Variants in CAMKMT observed in about 807,000 individuals in gnomAD.
CAMKMT encodes calmodulin-lysine N-methyltransferase.
CAMKMT carries 53 observed loss-of-function variants against 48.0 expected under a neutral mutation model. The ratio of observed to expected loss-of-function variants is 1.10; its 90% CI spans 0.89 to 1.39. The LOEUF (loss-of-function observed/expected upper bound fraction) is 1.39, where lower values mean the gene tolerates loss of function less well. Among genes scored for constraint, CAMKMT ranks in the 40% most tolerant of loss-of-function variants. The pLI, the probability that CAMKMT is intolerant of heterozygous loss-of-function variation, is 0.00. For missense variants in CAMKMT, 428 were observed against 402.7 expected, an observed-to-expected ratio of 1.06 and a Z score of -0.54; for synonymous variants, 165 against 152.3, an observed-to-expected ratio of 1.08 and a Z score of -0.61.
At chr2:44,595,664 A>G (rs996256732) in intron 3 of CAMKMT, among the ~76,000 whole-genome samples, 1 of 152,228 alleles carries the variant, frequency 6.6e-6, no homozygotes, top group Non-Finnish European at 1.5e-5. Context: ...TTAAAAAACT[A>G]CTATAAAGAC....
At chr2:44,459,450 G>T (rs557887240) in intron 3 of CAMKMT, among the ~76,000 whole-genome samples, 1 of 152,212 alleles carries the variant, frequency 6.6e-6, no homozygotes, top group East Asian at 1.9e-4. Context: ...CCTAGGTGAT[G>T]AAATGTATTA....
intron 1 of CAMKMT, among the ~76,000 whole-genome samples, chr2:44,363,688 CTTTT>C (rs577698393): frequency 1.6e-5 from 2 of 127,796 alleles, no homozygotes; most frequent in African/African-American, 2.9e-5. Flanking sequence ...CAACCCCCTT[CTTTT>C]TTTTTTTTTT....
intron 3 of CAMKMT, among the ~76,000 whole-genome samples, chr2:44,542,535 ACACT>A (rs1481432209): frequency 3.4e-3 from 200 of 59,372 alleles, no homozygotes; most frequent in Middle Eastern, 0.011. Context: ...ACACACACAC[ACACT>A]CTCTCTCTCT....
chr2:44,642,208 G>C (rs1673487013), intron 3 of CAMKMT, among the ~76,000 whole-genome samples: 1 of 152,202 alleles, frequency 6.6e-6, no homozygotes, highest in Non-Finnish European at 1.5e-5. Flanking sequence ...AAGTTATCTT[G>C]ATTGCCAGTC....
intron 3 of CAMKMT, among the ~76,000 whole-genome samples, chr2:44,673,981 G>A (rs918761849): frequency 1.3e-5 from 2 of 152,154 alleles, no homozygotes; most frequent in Non-Finnish European, 2.9e-5. Flanking sequence ...CCTTCTTGCT[G>A]AAGAAAAGTT....
intron 2 of CAMKMT, among the ~76,000 whole-genome samples, chr2:44,386,410 T>C (rs1680782887): frequency 6.6e-6 from 1 of 152,172 alleles, no homozygotes; most frequent in African/African-American, 2.4e-5. Context: ...CTTCTTTTCT[T>C]GGTTAATCTT....
At chr2:44,609,521 A>G (rs75241082) in intron 3 of CAMKMT, among the ~76,000 whole-genome samples, 6,241 of 152,278 alleles carry the variant, frequency 0.041, 435 homozygotes, top group African/African-American at 0.14. Flanking sequence ...GTTATGCCAC[A>G]TGTGAGTGGC....
In CAMKMT at chr2:44,704,317, C is replaced by T. The variant is rs1297205754; in HGVS notation, c.411C>T (p.Tyr137=). ...CATCTGAAGAGGTTTTGGCTTACTA[C>T]TGCCTCAAGCACAATAATATATTCA... ...IWPSEEVLAY[Y]CLKHNNIFRA... The change falls in exon 4 of 11, where the codon TAC becomes TAT. Residue 137 remains tyrosine (Y), a synonymous_variant. Transcript: ENST00000378494. 6.2e-7 allele frequency: 1 copy of T among 1,610,370 alleles called. No individual in the cohort carries two copies.
chr2:44,746,218 G>A lies in CAMKMT; in HGVS notation c.698+2522G>A, dbSNP rs573465514. On this transcript the variant is annotated intron_variant, in intron 8 of 10. Coordinates refer to ENST00000378494, the MANE Select transcript of CAMKMT (RefSeq NM_024766.5). ...ACATGGATTAAAATCTTATTGAAGC[G>A]TTTCCAGCAAGGGTGGCATTGTCTG... Among the ~76,000 whole-genome samples, 12 of 152,326 alleles carry A rather than the reference G, an allele frequency of 7.9e-5. No individual in the cohort carries two copies. The South Asian group carries it at 1.2e-3, about 16-fold the overall frequency.
chr2:44,449,834 C>G (rs1667198310), intron 3 of CAMKMT, among the ~76,000 whole-genome samples: 1 of 152,020 alleles, frequency 6.6e-6, no homozygotes, highest in African/African-American at 2.4e-5. Flanking sequence ...GGGGTTAGTA[C>G]TAGAAATTTT....
intron 3 of CAMKMT, among the ~76,000 whole-genome samples, chr2:44,622,424 T>A (rs1672249071): frequency 6.6e-6 from 1 of 152,252 alleles, no homozygotes. Context: ...AGGTTTGAAG[T>A]ACACTTGAAC....
At chr2:44,633,250 C>T (rs1053678389) in intron 3 of CAMKMT, among the ~76,000 whole-genome samples, 1 of 151,936 alleles carries the variant, frequency 6.6e-6, no homozygotes, top group Non-Finnish European at 1.5e-5. Context: ...TTATGATGTG[C>T]CTTAATGTTA....
chr2:44,636,791 C>G (rs1271639222), intron 3 of CAMKMT, among the ~76,000 whole-genome samples: 1 of 152,108 alleles, frequency 6.6e-6, no homozygotes, highest in East Asian at 1.9e-4. Flanking sequence ...GACAAGAAAA[C>G]TTAGGTAGGA....
intron 3 of CAMKMT, among the ~76,000 whole-genome samples, chr2:44,443,137 C>T (rs1000942290): frequency 6.6e-6 from 1 of 152,130 alleles, no homozygotes; most frequent in Non-Finnish European, 1.5e-5. Flanking sequence ...CATTTCACAT[C>T]AAAATCTAAA....
intron 3 of CAMKMT, among the ~76,000 whole-genome samples, chr2:44,410,562 A>G (rs534391551): frequency 1.3e-4 from 20 of 152,166 alleles, no homozygotes; most frequent in African/African-American, 4.1e-4. Context: ...GAGAGGTACA[A>G]TCAACCCTGA....
At chr2:44,410,789 CA>C (rs1417846748) in intron 3 of CAMKMT, among the ~76,000 whole-genome samples, 1 of 151,994 alleles carries the variant, frequency 6.6e-6, no homozygotes, top group African/African-American at 2.4e-5. Flanking sequence ...GCAATATACC[CA>C]GAGATTAAAG....
chr2:44,670,046 A>G (rs1055730354), intron 3 of CAMKMT, among the ~76,000 whole-genome samples: 2 of 151,892 alleles, frequency 1.3e-5, no homozygotes, highest in South Asian at 4.2e-4. Flanking sequence ...TTTTTGGCCC[A>G]TTTTTCTACT....
At chr2:44,493,534 A>G in intron 3 of CAMKMT, among the ~76,000 whole-genome samples, 1 of 152,314 alleles carries the variant, frequency 6.6e-6, no homozygotes, top group East Asian at 1.9e-4. Context: ...ATTATTTGAT[A>G]ATAATGATTT....
At chr2:44,593,304 A>G (rs1313753958) in intron 3 of CAMKMT, among the ~76,000 whole-genome samples, 1 of 152,186 alleles carries the variant, frequency 6.6e-6, no homozygotes, top group Admixed American at 6.5e-5. Context: ...CCTTTCTGAT[A>G]GGTCTTTCCC....
Sources: gnomAD v4.1 joint callset for allele counts (sites outside exome capture counted in the v4.1 genomes callset) on GRCh38, gnomAD v4.1.1 for gene constraint, MANE v1.5 for transcripts, NCBI Gene and HGNC (gene_info 2026-07-23, HGNC 2026-07-21) for gene names.